Variants in DLG4 observed in about 807,000 individuals in gnomAD.
DLG4 encodes the protein discs large MAGUK scaffold protein 4, also known as disks large homolog 4.
A neutral mutation model predicts 93.8 loss-of-function variants in DLG4; 7 were observed. The observed-to-expected ratio is 0.07, with a 90% CI of 0.04 to 0.14. The LOEUF (loss-of-function observed/expected upper bound fraction) is 0.14. DLG4 is among the 10% of genes least tolerant of loss of function. DLG4 has a pLI of 1.00. For synonymous variants in DLG4, 341 were observed against 387.6 expected, an observed-to-expected ratio of 0.88 and a Z score of 1.41; for missense variants, 545 against 992.9, an observed-to-expected ratio of 0.55 and a Z score of 6.06.
upstream of DLG4, chr17:7,218,987 A>T: frequency 1.2e-6 from 1 of 867,434 alleles, no homozygotes; most frequent in East Asian, 2.6e-5. Context: ...GTCCCAAGGC[A>T]CCAGCACCGC....
chr17:7,213,505 C>T (rs1324045307), intron 1 of DLG4, among the ~76,000 whole-genome samples: 1 of 152,026 alleles, frequency 6.6e-6, no homozygotes, highest in East Asian at 1.9e-4. Flanking sequence ...CGGAAGATTG[C>T]TCCCAAATAT....
At chr17:7,197,127 C>T in intron 8 of DLG4, 75 bp from the exon 9 acceptor site, 1 of 1,418,582 alleles carries the variant, frequency 7.0e-7, no homozygotes, top group African/African-American at 1.4e-5. Context: ...CCCCAGGGTG[C>T]CAGAAGAGCC....
At chr17:7,218,991 G>C, upstream of DLG4, 1 of 835,546 alleles carries the variant, frequency 1.2e-6, no homozygotes, top group Non-Finnish European at 2.0e-6. Flanking sequence ...CAAGGCACCA[G>C]CACCGCCACC....
At chr17:7,204,347 C>T (rs1022039343) in intron 2 of DLG4, 95 bp from the exon 3 acceptor site, 3 of 1,272,976 alleles carry the variant, frequency 2.4e-6, no homozygotes, top group African/African-American at 1.5e-5. Context: ...ACCCTTTCAG[C>T]CTCTTAGCCA....
In DLG4 at chr17:7,217,590, G is replaced by T; in HGVS notation, c.-443C>A. On this transcript the variant is annotated 5_prime_UTR_variant, in exon 1 of 20. Coordinates refer to ENST00000399506, the MANE Select transcript of DLG4 (RefSeq NM_001321075.3). ...GGGGTTGGAAACGGCAGCGGCCGAGGGAGCCGTGGAGCCGAAGAGGGAAGG... is the reference window on the plus strand; with the variant it reads ...GGGGTTGGAAACGGCAGCGGCCGAGTGAGCCGTGGAGCCGAAGAGGGAAGG... 7.2e-7 allele frequency: 1 copy of T among 1,397,592 alleles called. No homozygotes were observed. The highest frequency in any genetic ancestry group is 9.3e-7 in the Non-Finnish European group (1 of 1,070,320). 86.6% of individuals were successfully genotyped at this position (1,397,592 alleles called of 1,614,324 possible). A position where few individuals can be genotyped will look rare whatever the true frequency, so the allele number is the denominator to read the frequency against.
At position 7,195,249 on chromosome 17, in the gene DLG4, G is replaced by A. The variant is rs2069713367; in HGVS notation, c.1302-754C>T. On this transcript the variant is annotated intron_variant, in intron 11 of 19. Coordinates refer to ENST00000399506, the MANE Select transcript of DLG4 (RefSeq NM_001321075.3). The surrounding 1 kb of genome is among the most constrained non-coding windows in gnomAD (Gnocchi z 4.3). Reference sequence around the variant, plus strand: ...AATGAAGACACAGAAGAAAGCAATGGGCCTGGAGAGGAGGGAGGAGACCCC... The same window carrying A: ...AATGAAGACACAGAAGAAAGCAATGAGCCTGGAGAGGAGGGAGGAGACCCC... 6.6e-6 allele frequency among the ~76,000 whole-genome samples: 1 copy of A among 152,130 alleles called. No individual in the cohort carries two copies. Among genetic ancestry groups the A allele is most frequent in the Non-Finnish European group, 1.5e-5 (1 of 68,024 alleles).
At position 7,191,804 on chromosome 17, in the gene DLG4, T is replaced by C. The variant is rs1425212940; in HGVS notation, c.1976+89A>G. ...CTGCTGAAACCGCTGTCCAGGGTTC[T>C]GAAGGGAGAGTTGAACGCAGACGCC... On this transcript the variant is annotated intron_variant, in intron 18 of 19. Transcript: ENST00000399506. This position sits in a 1 kb window ranked among gnomAD's most constrained non-coding sequence, Gnocchi z 6.6. 2 of 957,138 alleles carry C rather than the reference T, an allele frequency of 2.1e-6. No homozygotes were observed. Among genetic ancestry groups the C allele is most frequent in the South Asian group, 2.2e-5 (1 of 46,262 alleles). The allele number at this position is 957,138 out of a possible 1,614,324, so 59.3% of individuals were successfully genotyped here.
At chr17:7,217,630 A>C, upstream of DLG4, 1 of 1,147,988 alleles carries the variant, frequency 8.7e-7, no homozygotes, top group Non-Finnish European at 1.1e-6. Context: ...AGAGGAGGAG[A>C]GAGGAAGCAG....
At chr17:7,219,176 A>T (rs2071071477), upstream of DLG4, 2 of 392,920 alleles carry the variant, frequency 5.1e-6, no homozygotes, top group African/African-American at 2.1e-5. Flanking sequence ...AGAATTGCAG[A>T]AAAAGGGGTA....
upstream of DLG4, chr17:7,217,936 G>T (rs1426604505): frequency 1.0e-6 from 1 of 965,162 alleles, no homozygotes; most frequent in Admixed American, 2.3e-5. Flanking sequence ...TGTGAGGGAG[G>T]AGCTGAAGGA....
chr17:7,205,066 G>C, intron 2 of DLG4: 1 of 985,548 alleles, frequency 1.0e-6, no homozygotes. Flanking sequence ...CCCGCCCCAC[G>C]TTAGCCAGGC....
chr17:7,203,002 C>T lies in DLG4; in HGVS notation c.688G>A (p.Ala230Thr). 1 of 1,612,952 alleles carries T rather than the reference C, an allele frequency of 6.2e-7. No homozygotes were observed. Among genetic ancestry groups the T allele is most frequent in the Non-Finnish European group, 8.5e-7 (1 of 1,178,940 alleles). The change falls in exon 8 of 20, where the codon GCA becomes ACA. Residue 230 changes from alanine (A) to threonine (T), a missense_variant. Transcript: ENST00000399506. This position sits in a 1 kb window ranked among gnomAD's most constrained non-coding sequence, Gnocchi z 7.2. ...ACATCATACGTGTTCTTCAGGGCTG[C>T]CACAGCATCTTCATGCATGACGTCC... is the stretch of plus-strand genomic sequence containing the variant. ...LEDVMHEDAV[A>T]ALKNTYDVVY...
chr17:7,204,188 A>G lies in DLG4; in HGVS notation c.150+11T>C, dbSNP rs781453394. ...TGCAATGGCCCCAGCCCCAAAATCTAAACAACTCACATATCCTGGGGCTTC... is the reference window on the plus strand; with the variant it reads ...TGCAATGGCCCCAGCCCCAAAATCTGAACAACTCACATATCCTGGGGCTTC... On this transcript the variant is annotated intron_variant, in intron 3 of 19. Coordinates refer to ENST00000399506, the MANE Select transcript of DLG4 (RefSeq NM_001321075.3). The G allele has an allele frequency of 1.2e-6, 2 of 1,607,608 alleles. No homozygotes were observed. Among genetic ancestry groups the G allele is most frequent in the Non-Finnish European group, 1.7e-6 (2 of 1,175,860 alleles).
rs568299752 is a variant in DLG4, at chr17:7,194,515, C to G, written c.1302-20G>C. 6.3e-7 allele frequency: 1 copy of G among 1,588,512 alleles called. No homozygotes were observed. The highest frequency in any genetic ancestry group is 8.6e-7 in the Non-Finnish European group (1 of 1,167,808). ...AGGGCCCTGGAGGGCAAGTGGCTAT[C>G]GGTCAGAGCCCAGCTGAGGACTCCA... On this transcript the variant is annotated intron_variant, in intron 11 of 19. Transcript: ENST00000399506. This position sits in a 1 kb window ranked among gnomAD's most constrained non-coding sequence, Gnocchi z 4.4.
Position 7,203,503 on chromosome 17 carries a change from G to A in DLG4, c.426C>T (p.Ser142=). 1 of 1,613,738 alleles carries A rather than the reference G, an allele frequency of 6.2e-7. No homozygotes were observed. The highest frequency in any genetic ancestry group is 8.5e-7 in the Non-Finnish European group (1 of 1,179,704). Residue 142 remains serine (S), a synonymous_variant, in exon 6 of 20, where the codon TCC becomes TCT. Transcript: ENST00000399506. The surrounding 1 kb of genome is among the most constrained non-coding windows in gnomAD (Gnocchi z 7.2). ...AAVEALKEAG[S]IVRLYVMRRK... ...GGCGCATGACATAGAGGCGAACGATGGAGCCTGCCTCTTTGAGGGCTTCCA... is the reference window on the plus strand; with the variant it reads ...GGCGCATGACATAGAGGCGAACGATAGAGCCTGCCTCTTTGAGGGCTTCCA...
upstream of DLG4, chr17:7,219,330 A>T: frequency 1.1e-6 from 1 of 930,100 alleles, no homozygotes; most frequent in Non-Finnish European, 1.3e-6. Context: ...CAGAGGGCAA[A>T]GACAGAAGGG....
intron 1 of DLG4, among the ~76,000 whole-genome samples, chr17:7,210,771 T>C (rs930069404): frequency 6.6e-6 from 1 of 152,122 alleles, no homozygotes; most frequent in Non-Finnish European, 1.5e-5. Flanking sequence ...CTCTCCATCT[T>C]CACTCCACCT....
At chr17:7,217,911 CGGTAGGG>C (rs2071009074), upstream of DLG4, 31 of 1,237,678 alleles carry the variant, frequency 2.5e-5, no homozygotes, top group South Asian at 3.7e-4. Flanking sequence ...TCTCGGCAGG[CGGTAGGG>C]GGTCGGGTGT....
chr17:7,193,920 G>A lies in DLG4; in HGVS notation c.1515+44C>T. ...GGGTTAGTTATGAGCTCAGCTCCAT[G>A]AGCCCTCACACTTCCACCCAGGCTC... On this transcript the variant is annotated intron_variant, in intron 13 of 19. Transcript: ENST00000399506. This position sits in a 1 kb window ranked among gnomAD's most constrained non-coding sequence, Gnocchi z 6.7. 6.2e-7 allele frequency: 1 copy of A among 1,612,992 alleles called. No individual in the cohort carries two copies. The highest frequency in any genetic ancestry group is 8.5e-7 in the Non-Finnish European group (1 of 1,179,334).
Sources: allele counts gnomAD v4.1 joint callset (sites outside exome capture counted in the v4.1 genomes callset), GRCh38; gene constraint gnomAD v4.1.1; non-coding constraint Gnocchi (gnomAD v3.1); transcripts MANE v1.5; gene names NCBI Gene and HGNC (gene_info 2026-07-23, HGNC 2026-07-21).